RBFOX1: variants seen among roughly 807,000 people sequenced by gnomAD.
RBFOX1 encodes the protein RNA binding fox-1 homolog 1.
Under a neutral mutation model 57.7 loss-of-function variants are expected in RBFOX1, and 8 were observed. The ratio of observed to expected loss-of-function variants is 0.14; its 90% CI spans 0.08 to 0.25. RBFOX1 has a LOEUF of 0.25. Among genes scored for constraint, RBFOX1 ranks in the 10% least tolerant of loss-of-function variants. The pLI, the probability that RBFOX1 is intolerant of heterozygous loss-of-function variation, is 1.00. For missense variants in RBFOX1, 611 were observed against 548.5 expected, an observed-to-expected ratio of 1.11 and a Z score of -1.14; for synonymous variants, 326 against 222.4, an observed-to-expected ratio of 1.47 and a Z score of -4.15.
At chr16:7,019,834 G>C (rs2094116373) in intron 3 of RBFOX1, among the ~76,000 whole-genome samples, 1 of 152,118 alleles carries the variant, frequency 6.6e-6, no homozygotes, top group African/African-American at 2.4e-5. Context: ...ATTCTCTCTA[G>C]CTGTTCCACA....
intron 2 of RBFOX1, among the ~76,000 whole-genome samples, chr16:6,505,891 G>A (rs557428609): frequency 6.6e-6 from 1 of 152,198 alleles, no homozygotes; most frequent in Non-Finnish European, 1.5e-5. Context: ...ATGGGCGAAA[G>A]TGACAGAGAA....
intron 4 of RBFOX1, among the ~76,000 whole-genome samples, chr16:7,107,378 G>A (rs2063799000): frequency 1.3e-5 from 2 of 152,094 alleles, no homozygotes; most frequent in African/African-American, 4.8e-5. Context: ...ACTGGAAGGG[G>A]GCCACTCTAG....
At chr16:5,472,828 C>T (rs1021228985) in intron 2 of RBFOX1, among the ~76,000 whole-genome samples, 2 of 152,188 alleles carry the variant, frequency 1.3e-5, no homozygotes, top group African/African-American at 2.4e-5. Context: ...GGAAGCTGCA[C>T]GCCTGTCTGC....
chr16:7,253,479 G>C (rs983774641), intron 4 of RBFOX1, among the ~76,000 whole-genome samples: 1 of 152,096 alleles, frequency 6.6e-6, no homozygotes, highest in African/African-American at 2.4e-5. Context: ...TCAATCCTCT[G>C]CCTATCTATA....
At chr16:6,275,720 G>C (rs1050475446) in intron 1 of RBFOX1, among the ~76,000 whole-genome samples, 2 of 152,114 alleles carry the variant, frequency 1.3e-5, no homozygotes, top group African/African-American at 4.8e-5. Context: ...GGAATTAACA[G>C]TTTACTAAGG....
chr16:6,305,207 A>G (rs1224008504), intron 1 of RBFOX1, among the ~76,000 whole-genome samples: 2 of 152,326 alleles, frequency 1.3e-5, no homozygotes, highest in African/African-American at 4.8e-5. Flanking sequence ...TTGAGAGCAA[A>G]TATAGCACAA....
chr16:5,242,915 A>G (rs2062202938), intron 1 of RBFOX1, among the ~76,000 whole-genome samples: 1 of 150,660 alleles, frequency 6.6e-6, no homozygotes, highest in African/African-American at 2.4e-5. Context: ...TTTAGCAGAT[A>G]AATCGGGCCC....
chr16:5,560,681 G>A (rs1301100572), intron 2 of RBFOX1, among the ~76,000 whole-genome samples: 2 of 152,142 alleles, frequency 1.3e-5, no homozygotes, highest in Admixed American at 6.5e-5. Flanking sequence ...ACATCTCAGC[G>A]TAGTCTGTGC....
At chr16:6,874,833 C>A (rs975469853) in intron 3 of RBFOX1, among the ~76,000 whole-genome samples, 12 of 152,022 alleles carry the variant, frequency 7.9e-5, no homozygotes, top group South Asian at 4.1e-4. Flanking sequence ...GTGATGGGTG[C>A]ATCAAAATCT....
At chr16:5,719,134 C>T (rs987493730) in intron 3 of RBFOX1, among the ~76,000 whole-genome samples, 5 of 151,676 alleles carry the variant, frequency 3.3e-5, no homozygotes, top group Non-Finnish European at 7.4e-5. Flanking sequence ...CCATTAAACG[C>T]ATATAACCCA....
At chr16:7,412,383 C>A (rs912893220) in intron 4 of RBFOX1, among the ~76,000 whole-genome samples, 1 of 145,770 alleles carries the variant, frequency 6.9e-6, no homozygotes, top group Non-Finnish European at 1.5e-5. Context: ...CCAGTGCACT[C>A]CAGGCTGGGC....
chr16:7,583,148 C>CTTTTTT (rs34658435), intron 6 of RBFOX1, among the ~76,000 whole-genome samples: 2 of 132,390 alleles, frequency 1.5e-5, no homozygotes, highest in Non-Finnish European at 1.6e-5. Context: ...TCTAGCTCAT[C>CTTTTTT]TTTTTTTTTT....
intron 4 of RBFOX1, among the ~76,000 whole-genome samples, chr16:5,981,931 C>T (rs755505641): frequency 2.0e-5 from 3 of 152,234 alleles, no homozygotes; most frequent in Admixed American, 6.5e-5. Context: ...ACCCCCTCAC[C>T]ACAAAGAACT....
At chr16:7,657,560 C>T (rs1487361859) in intron 12 of RBFOX1, among the ~76,000 whole-genome samples, 1 of 152,242 alleles carries the variant, frequency 6.6e-6, no homozygotes, top group African/African-American at 2.4e-5. Flanking sequence ...CCATCTGGGC[C>T]TCCCAAAGTG....
chr16:6,987,278 G>T (rs2090496197), intron 3 of RBFOX1, among the ~76,000 whole-genome samples: 1 of 152,110 alleles, frequency 6.6e-6, no homozygotes, highest in African/African-American at 2.4e-5. Flanking sequence ...CATGCTGGAT[G>T]GAATCTTAGG....
chr16:7,604,031 A>C (rs549506587), intron 9 of RBFOX1, among the ~76,000 whole-genome samples: 13 of 152,256 alleles, frequency 8.5e-5, no homozygotes, highest in African/African-American at 2.6e-4. Flanking sequence ...AATGGAGAAG[A>C]AGGGAAGGAC....
At chr16:6,389,546 C>A (rs2092484970) in intron 2 of RBFOX1, among the ~76,000 whole-genome samples, 1 of 152,154 alleles carries the variant, frequency 6.6e-6, no homozygotes, top group Non-Finnish European at 1.5e-5. Context: ...TGAAGGTCCA[C>A]TTAGTCCAAT....
At chr16:6,897,751 C>A (rs975302095) in intron 3 of RBFOX1, among the ~76,000 whole-genome samples, 1 of 152,174 alleles carries the variant, frequency 6.6e-6, no homozygotes, top group Admixed American at 6.5e-5. Flanking sequence ...TGAGATCATG[C>A]TGTTACACTC....
intron 5 of RBFOX1, among the ~76,000 whole-genome samples, chr16:7,545,328 G>A (rs1406408626): frequency 1.3e-5 from 2 of 151,976 alleles, no homozygotes; most frequent in Non-Finnish European, 2.9e-5. Context: ...GGGGGTGGAG[G>A]TGGCGGCATT....
Sources: gnomAD v4.1 joint callset for allele counts (sites outside exome capture counted in the v4.1 genomes callset) on GRCh38, gnomAD v4.1.1 for gene constraint, MANE v1.5 for transcripts, NCBI Gene and HGNC (gene_info 2026-07-23, HGNC 2026-07-21) for gene names.